SCHIP1: variants seen among roughly 807,000 people sequenced by gnomAD.
SCHIP1 encodes the protein schwannomin interacting protein 1.
In SCHIP1, 8 loss-of-function variants were observed where a neutral mutation model predicts 29.7. That is an observed-to-expected ratio of 0.27 (90% CI 0.16 to 0.49). The LOEUF (loss-of-function observed/expected upper bound fraction) is 0.49. Ranked by LOEUF, SCHIP1 falls within the 20% of genes least tolerant of loss-of-function variation. The pLI is 0.99. For synonymous variants in SCHIP1, 76 were observed against 94.9 expected, an observed-to-expected ratio of 0.80 and a Z score of 1.16; for missense variants, 193 against 294.6, an observed-to-expected ratio of 0.66 and a Z score of 2.52.
chr3:159,478,601 A>G, the SCHIP1 span, among the ~76,000 whole-genome samples: 7 of 151,444 alleles, frequency 4.6e-5, no homozygotes, highest in Non-Finnish European at 1.0e-4. Context: ...TGTATTTTCT[A>G]TTCTGTGAAA....
At chr3:159,530,108 A>C in the SCHIP1 span, among the ~76,000 whole-genome samples, 1 of 152,200 alleles carries the variant, frequency 6.6e-6, no homozygotes, top group East Asian at 1.9e-4. Context: ...TTTTGAATAA[A>C]TACCCAGCAG....
At chr3:159,354,893 G>T in the SCHIP1 span, among the ~76,000 whole-genome samples, 3 of 152,108 alleles carry the variant, frequency 2.0e-5, no homozygotes, top group Non-Finnish European at 4.4e-5. Flanking sequence ...GAAAAGAACC[G>T]CAGAAAGCAA....
At chr3:159,279,834 C>A in the SCHIP1 span, among the ~76,000 whole-genome samples, 7 of 152,088 alleles carry the variant, frequency 4.6e-5, no homozygotes, top group African/African-American at 1.7e-4. Context: ...TGGCCAGAAA[C>A]CCATGGAAAG....
chr3:159,474,611 G>C, the SCHIP1 span, among the ~76,000 whole-genome samples: 8 of 152,122 alleles, frequency 5.3e-5, no homozygotes, highest in South Asian at 1.7e-3. Flanking sequence ...AGAAAATATA[G>C]ATAGGGATCC....
chr3:159,277,600 C>T, the SCHIP1 span, among the ~76,000 whole-genome samples: 1 of 144,566 alleles, frequency 6.9e-6, no homozygotes, highest in African/African-American at 2.4e-5. Flanking sequence ...ACTGAGCAAT[C>T]AGTGGAAGAT....
At chr3:159,603,220 C>G in the SCHIP1 span, among the ~76,000 whole-genome samples, 6 of 152,192 alleles carry the variant, frequency 3.9e-5, no homozygotes, top group East Asian at 1.9e-4. Flanking sequence ...ACGGGGGAAA[C>G]GACACAGAGC....
chr3:159,340,873 C>A, the SCHIP1 span, among the ~76,000 whole-genome samples: 2 of 152,084 alleles, frequency 1.3e-5, no homozygotes, highest in Non-Finnish European at 2.9e-5. Flanking sequence ...ATTCCTTTTT[C>A]TAGAGTAGGA....
chr3:159,491,291 C>T, the SCHIP1 span, among the ~76,000 whole-genome samples: 10 of 152,306 alleles, frequency 6.6e-5, no homozygotes, highest in Middle Eastern at 3.4e-3. Context: ...ATGCATGAGT[C>T]GAAGCAGGGC....
the SCHIP1 span, among the ~76,000 whole-genome samples, chr3:159,397,141 G>T: frequency 2.0e-4 from 29 of 148,302 alleles, no homozygotes; most frequent in East Asian, 4.1e-3. Context: ...CATTCTTCAC[G>T]TAGTTCTCGA....
At chr3:159,342,817 T>G in the SCHIP1 span, among the ~76,000 whole-genome samples, 1 of 152,212 alleles carries the variant, frequency 6.6e-6, no homozygotes, top group Non-Finnish European at 1.5e-5. Flanking sequence ...CTTTATTAAT[T>G]CAAGACATAA....
the SCHIP1 span, among the ~76,000 whole-genome samples, chr3:159,714,602 G>A: frequency 1.3e-5 from 2 of 152,330 alleles, no homozygotes; most frequent in East Asian, 3.9e-4. Flanking sequence ...ATTATATCCC[G>A]TGCCTGGCTC....
the SCHIP1 span, among the ~76,000 whole-genome samples, chr3:159,621,458 C>A: frequency 6.6e-6 from 1 of 152,196 alleles, no homozygotes; most frequent in African/African-American, 2.4e-5. Context: ...ACTCAAATAT[C>A]TCCAACTCTT....
At chr3:159,702,255 T>C in the SCHIP1 span, among the ~76,000 whole-genome samples, 1,312 of 152,250 alleles carry the variant, frequency 8.6e-3, 23 homozygotes, top group African/African-American at 0.029. Flanking sequence ...CACCCCAGTT[T>C]CCAGAGGCAC....
At chr3:159,647,800 C>T in the SCHIP1 span, among the ~76,000 whole-genome samples, 1 of 152,240 alleles carries the variant, frequency 6.6e-6, no homozygotes, top group East Asian at 1.9e-4. Context: ...GAACTAAATA[C>T]GTATTTCTTC....
At chr3:159,709,870 G>T in the SCHIP1 span, among the ~76,000 whole-genome samples, 16 of 152,140 alleles carry the variant, frequency 1.1e-4, no homozygotes, top group African/African-American at 3.9e-4. Flanking sequence ...TTTAATAGGG[G>T]TATTAAACAT....
At chr3:159,672,735 G>C in the SCHIP1 span, among the ~76,000 whole-genome samples, 4 of 152,214 alleles carry the variant, frequency 2.6e-5, no homozygotes, top group African/African-American at 9.6e-5. Flanking sequence ...CTCTATGAGA[G>C]ACCTTGCTGG....
At chr3:159,392,355 C>T in the SCHIP1 span, among the ~76,000 whole-genome samples, 1 of 152,068 alleles carries the variant, frequency 6.6e-6, no homozygotes, top group Admixed American at 6.6e-5. Flanking sequence ...TACATGTGCA[C>T]ATTGTGCAGG....
the SCHIP1 span, among the ~76,000 whole-genome samples, chr3:159,510,034 G>T: frequency 5.3e-5 from 8 of 152,150 alleles, no homozygotes; most frequent in Non-Finnish European, 1.0e-4. Context: ...GGTTGGGGAA[G>T]TTCTCCTGGA....
the SCHIP1 span, among the ~76,000 whole-genome samples, chr3:159,562,836 A>T: frequency 3.3e-5 from 5 of 152,076 alleles, no homozygotes; most frequent in African/African-American, 9.7e-5. Context: ...TTTTTTTCCT[A>T]GGAGGTCTCT....
Sources: gnomAD v4.1 joint callset for allele counts (sites outside exome capture counted in the v4.1 genomes callset) on GRCh38, gnomAD v4.1.1 for gene constraint, MANE v1.5 for transcripts, NCBI Gene and HGNC (gene_info 2026-07-23, HGNC 2026-07-21) for gene names.